The following LILRB1 variants were observed in gnomAD, a reference collection of about 807,000 sequenced individuals.
LILRB1 encodes leukocyte immunoglobulin-like receptor subfamily B member 1.
LILRB1 carries 59 observed loss-of-function variants against 74.6 expected under a neutral mutation model. The observed-to-expected ratio is 0.79, with a 90% CI of 0.64 to 0.98. LILRB1 has a LOEUF of 0.98. Ranked by LOEUF, LILRB1 falls within the 50% of genes least tolerant of loss-of-function variation. The pLI is 0.00. For synonymous variants in LILRB1, 328 were observed against 333.9 expected (o/e 0.98, Z 0.19); for missense variants, 804 against 822.6 (o/e 0.98, Z 0.28).
rs548203548 is a variant in LILRB1 at position 54,637,726 on chromosome 19, A to G, written c.*848A>G. The stretch of plus-strand genomic sequence containing the variant: ...ACATGAATCACACTCATGAATTCTA[A>G]CTACAATGAAAAAGAGAAAGAAAGA... On this transcript the variant is annotated 3_prime_UTR_variant, in exon 15 of 15. Transcript: ENST00000324602. Among the ~76,000 whole-genome samples the G allele has an allele frequency of 3.3e-5, 5 of 152,310 alleles. No individual in the cohort carries two copies. The highest frequency in any genetic ancestry group is 9.6e-5 in the African/African-American group (4 of 41,570).
At chr19:54,616,785 A>G (rs2063321608), upstream of LILRB1, among the ~76,000 whole-genome samples, 1 of 151,650 alleles carries the variant, frequency 6.6e-6, no homozygotes, top group South Asian at 2.1e-4. Flanking sequence ...GGGAAACGAG[A>G]GACTGTGTTT....
At chr19:54,634,427 A>C (rs759280277) in intron 9 of LILRB1, 91 of 1,523,190 alleles carry the variant, frequency 6.0e-5, no homozygotes, top group Non-Finnish European at 7.4e-5. Context: ...CTTCCTTCCC[A>C]GCTCTGCCGC....
rs200156251 is a variant in LILRB1 at position 54,632,619 on chromosome 19, C to A, written c.817C>A (p.Pro273Thr). The change falls in exon 6 of 15, where the codon CCC (proline) becomes ACC (threonine). Residue 273 changes from proline to threonine, a missense_variant. By Grantham distance (38) the Pro-to-Thr change is conservative. Coordinates refer to ENST00000324602, the MANE Select transcript of LILRB1 (RefSeq NM_001081637.3). ...CTTCCTTCAGCTCGCTGGCGCACAG[C>A]CCCAGGCTGGGCTCTCCCAGGCCAA... Reference protein sequence around the residue: ...RDFLQLAGAQPQAGLSQANFT... With the variant: ...RDFLQLAGAQTQAGLSQANFT... 16 of 1,613,998 alleles carry A rather than the reference C, an allele frequency of 9.9e-6. No homozygotes were observed. Among genetic ancestry groups the A allele is most frequent in the African/African-American group, 2.7e-5 (2 of 74,912 alleles).
Position 54,624,732 on chromosome 19 carries a change from C to T in LILRB1, c.-165-5785C>T, listed in dbSNP as rs545088697. 7.9e-5 allele frequency among the ~76,000 whole-genome samples: 12 copies of T among 152,200 alleles called. 1 individual carries two copies. In the South Asian group the frequency reaches 1.7e-3, roughly 21 times the overall value. ...GGGCTGGACTGGGTTTTGGCTGCTC[C>T]GGGGTTCAGATGCTGGCTGTGATGG... On this transcript the variant is annotated intron_variant, in intron 1 of 15. Coordinates refer to the LILRB1 transcript ENST00000396331.
chr19:54,636,209 G>A lies in LILRB1; in HGVS notation c.1654-285G>A, dbSNP rs1287325335. On this transcript the variant is annotated intron_variant, in intron 13 of 14. Transcript: ENST00000324602. ...AGAGTGGGGCACACGATCCTCTGATGGACGAGCCCCTGCAGGCAGAGGAAA... is the reference window on the plus strand; with the variant it reads ...AGAGTGGGGCACACGATCCTCTGATAGACGAGCCCCTGCAGGCAGAGGAAA... 22 of 602,694 alleles carry A rather than the reference G, an allele frequency of 3.7e-5. No individual in the cohort carries two copies. The East Asian group carries it at 4.7e-4, about 13-fold the overall frequency. 37.3% of individuals were successfully genotyped at this position (602,694 alleles called of 1,614,324 possible).
At chr19:54,629,278 T>C (rs2063689762), upstream of LILRB1, among the ~76,000 whole-genome samples, 1 of 152,212 alleles carries the variant, frequency 6.6e-6, no homozygotes, top group African/African-American at 2.4e-5. Context: ...TAGCGGGTAC[T>C]GAAACGAATT....
At chr19:54,635,079 T>C in intron 10 of LILRB1, 25 bp from the exon 11 acceptor site, 1 of 1,471,116 alleles carries the variant, frequency 6.8e-7, no homozygotes, top group Non-Finnish European at 9.3e-7. Flanking sequence ...TTCCCAGGGC[T>C]GAGGCTCTGT....
Position 54,633,985 on chromosome 19 carries a change from C to T in LILRB1, c.1327C>T (p.Gln443Ter), listed in dbSNP as rs1409180064. The change falls in exon 9 of 15, where the codon CAG becomes TAG. Residue 443 changes from glutamine (Q) to a stop codon, truncating the protein, a stop_gained. Coordinates refer to ENST00000324602, the MANE Select transcript of LILRB1 (RefSeq NM_001081637.3). LOFTEE classifies it high-confidence loss of function. Reference protein sequence around the residue: ...PTSTSAGPEDQPLTPTGSDPQ... With the variant: ...PTSTSAGPED ...TCCTGACCCAGCAGGCCCTGAGGAC[C>T]AGCCCCTCACCCCCACCGGGTCGGA... 2 of 1,597,106 alleles carry T rather than the reference C, an allele frequency of 1.3e-6. No individual in the cohort carries two copies. The highest frequency in any genetic ancestry group is 1.7e-6 in the Non-Finnish European group (2 of 1,171,988).
At chr19:54,635,935 T>C (rs1261028049) in intron 13 of LILRB1, 1 of 587,454 alleles carries the variant, frequency 1.7e-6, no homozygotes, top group Non-Finnish European at 3.3e-6. Flanking sequence ...CCAGCAAGTG[T>C]TCCCAGGGAG....
At chr19:54,625,050 G>A (rs1600325199) in intron 1 of LILRB1, among the ~76,000 whole-genome samples, 3 of 137,498 alleles carry the variant, frequency 2.2e-5, no homozygotes, top group East Asian at 4.1e-4. Context: ...CTGGGGACAC[G>A]TGAAAGTGCC....
chr19:54,631,478 C>A, intron 3 of LILRB1, 22 bp from the exon 4 acceptor site: 1 of 1,599,892 alleles, frequency 6.3e-7, no homozygotes, highest in Non-Finnish European at 8.5e-7. Context: ...GAGTTAGAAT[C>A]TGACTCCTGA....
At chr19:54,626,189 T>C (rs1414342373), upstream of LILRB1, among the ~76,000 whole-genome samples, 1 of 152,230 alleles carries the variant, frequency 6.6e-6, no homozygotes, top group African/African-American at 2.4e-5. Flanking sequence ...TTCTTGTCAC[T>C]TTTTACTCTT....
At chr19:54,627,906 C>T (rs2063640527), upstream of LILRB1, among the ~76,000 whole-genome samples, 1 of 152,190 alleles carries the variant, frequency 6.6e-6, no homozygotes. Context: ...AAACAAATAG[C>T]ACTTGAACAT....
chr19:54,619,956 T>TG (rs1228535043), intron 1 of LILRB1, among the ~76,000 whole-genome samples: 3 of 137,850 alleles, frequency 2.2e-5, no homozygotes, highest in Non-Finnish European at 5.0e-5. Context: ...TAAACCTCGT[T>TG]TTTTTTTTTT....
At chr19:54,626,537 C>T (rs1190806460), upstream of LILRB1, among the ~76,000 whole-genome samples, 1 of 152,012 alleles carries the variant, frequency 6.6e-6, no homozygotes, top group Non-Finnish European at 1.5e-5. Context: ...TAGTTTTTCT[C>T]TGATGACTAA....
intron 2 of LILRB1, 28 bp from the exon 3 acceptor site, chr19:54,631,243 A>G: frequency 6.2e-7 from 1 of 1,613,930 alleles, no homozygotes; most frequent in Non-Finnish European, 8.5e-7. Context: ...TTCAGGGGGC[A>G]AATCCCTCAC....
At chr19:54,619,399 G>C (rs1221934109) in intron 1 of LILRB1, among the ~76,000 whole-genome samples, 1 of 152,122 alleles carries the variant, frequency 6.6e-6, no homozygotes, top group African/African-American at 2.4e-5. Context: ...TCATTCTACA[G>C]ATGGGTCTTT....
rs56409367 is a variant in LILRB1, at chr19:54,621,535, GTTT to G, written c.-166+4196_-166+4198del. Among the ~76,000 whole-genome samples, 193 of 145,360 alleles carry G rather than the reference GTTT, an allele frequency of 1.3e-3. 3 individuals carry two copies. The South Asian group carries it at 0.037, about 28-fold the overall frequency. On this transcript the variant is annotated intron_variant, in intron 1 of 15. Coordinates refer to the LILRB1 transcript ENST00000396331. ...TTCCATAAAGTTGTCTGTGTTTTTT[GTTT>G]TTTTTTTTTCATGTTGAATTCTTTG...
At chr19:54,628,796 C>G (rs556006603), upstream of LILRB1, among the ~76,000 whole-genome samples, 2 of 152,254 alleles carry the variant, frequency 1.3e-5, no homozygotes, top group East Asian at 3.9e-4. Flanking sequence ...CTGGGAGGGT[C>G]TTAAGAGCCA....
Sources: gnomAD v4.1 joint callset for allele counts (sites outside exome capture counted in the v4.1 genomes callset) on GRCh38, gnomAD v4.1.1 for gene constraint, MANE v1.5 for transcripts, NCBI Gene and HGNC (gene_info 2026-07-23, HGNC 2026-07-21) for gene names.